Variants in HTR2C observed in about 807,000 individuals in gnomAD.
HTR2C encodes 5-hydroxytryptamine receptor 2C.
A neutral mutation model predicts 21.0 loss-of-function variants in HTR2C; 5 were observed. The ratio of observed to expected loss-of-function variants is 0.24; its 90% CI spans 0.12 to 0.50. The LOEUF is 0.50. Ranked by LOEUF, HTR2C falls within the 20% of genes least tolerant of loss-of-function variation. HTR2C has a pLI of 0.98. For synonymous variants in HTR2C, 150 were observed against 145.3 expected (o/e 1.03, Z -0.23); for missense variants, 271 against 371.2 (o/e 0.73, Z 2.22).
At chrX:114,808,217 T>C (rs998102298) in intron 4 of HTR2C, among the ~76,000 whole-genome samples, 15 of 111,276 alleles carry the variant, frequency 1.3e-4, no homozygotes, top group African/African-American at 3.3e-4. Context: ...AGCGAGAACA[T>C]GTGAAGTTTG....
intron 4 of HTR2C, among the ~76,000 whole-genome samples, chrX:114,795,203 T>C (rs1433099240): frequency 1.8e-5 from 2 of 111,598 alleles, no homozygotes; most frequent in East Asian, 2.8e-4. Flanking sequence ...TCATATCCTT[T>C]GCCCACTTTT....
intron 4 of HTR2C, among the ~76,000 whole-genome samples, chrX:114,762,194 C>A (rs1321446359): frequency 9.1e-6 from 1 of 109,408 alleles, no homozygotes. Flanking sequence ...ATCCAAACCC[C>A]CTTTTGCTAG....
rs782112296 is a variant in HTR2C, at chrX:114,723,259, G to A, written c.-79-3599G>A. Among the ~76,000 whole-genome samples the A allele has an allele frequency of 6.3e-5, 7 of 110,938 alleles. No individual in the cohort carries two copies. In the South Asian group the frequency reaches 1.2e-3, roughly 18 times the overall value. On this transcript the variant is annotated intron_variant, in intron 2 of 5. Coordinates refer to ENST00000276198, the MANE Select transcript of HTR2C (RefSeq NM_000868.4). ...TTAGTCTTGGGAGAGTGTATGTGTC[G>A]AGGAATTTATCCATTTCTTCTAGAT...
chrX:114,646,135 C>A (rs1337586198), intron 2 of HTR2C, among the ~76,000 whole-genome samples: 1 of 111,736 alleles, frequency 8.9e-6, no homozygotes, highest in African/African-American at 3.2e-5. Flanking sequence ...CAGATAAATA[C>A]TTTAAAGGTT....
chrX:114,594,582 A>G (rs183439525), intron 1 of HTR2C, among the ~76,000 whole-genome samples: 2 of 111,746 alleles, frequency 1.8e-5, no homozygotes, highest in African/African-American at 3.2e-5. Context: ...ACCCATAGTA[A>G]AGAACATTGG....
At chrX:114,658,722 C>A (rs1339712863) in intron 2 of HTR2C, among the ~76,000 whole-genome samples, 2 of 110,785 alleles carry the variant, frequency 1.8e-5, no homozygotes, top group Non-Finnish European at 3.8e-5. Flanking sequence ...GATAACTCTG[C>A]CATACAGAAA....
At chrX:114,800,116 T>C (rs782626241) in intron 4 of HTR2C, among the ~76,000 whole-genome samples, 6 of 110,246 alleles carry the variant, frequency 5.4e-5, no homozygotes, top group Non-Finnish European at 1.1e-4. Flanking sequence ...GGGAATGACA[T>C]AGGAATTAAT....
intron 2 of HTR2C, among the ~76,000 whole-genome samples, chrX:114,709,747 A>C (rs1932863700): frequency 9.1e-6 from 1 of 109,689 alleles, no homozygotes; most frequent in African/African-American, 3.3e-5. Flanking sequence ...TCCTTTTCTT[A>C]TTCCTCTTCT....
chrX:114,907,884 T>G lies in HTR2C; in HGVS notation c.*469T>G, dbSNP rs986623100. ...TATACACTTTACATTCTTGCTCTGC[T>G]CATCTACACATATAAACACAGTAAG... On this transcript the variant is annotated 3_prime_UTR_variant, in exon 6 of 6. Transcript: ENST00000276198. 8.9e-6 allele frequency: 1 copy of G among 112,709 alleles called. No individual in the cohort carries two copies. The highest frequency in any genetic ancestry group is 1.9e-5 in the Non-Finnish European group (1 of 53,832). 9.3% of individuals were successfully genotyped at this position (112,709 alleles called of 1,213,427 possible).
Position 114,644,372 on chromosome X carries a change from T to A in HTR2C, c.-80+30491T>A, listed in dbSNP as rs1217316249. On this transcript the variant is annotated intron_variant, in intron 2 of 5. Coordinates refer to ENST00000276198, the MANE Select transcript of HTR2C (RefSeq NM_000868.4). The stretch of plus-strand genomic sequence containing the variant: ...ATAAATAAATAAATAAATATATATA[T>A]ATATATATATATATATATATATATA... Among the ~76,000 whole-genome samples the A allele has an allele frequency of 8.3e-3, 408 of 48,982 alleles. 3 individuals carry two copies. Among genetic ancestry groups the A allele is most frequent in the South Asian group, 0.015 (14 of 943 alleles). 42.5% of individuals were successfully genotyped at this position (48,982 alleles called of 115,157 possible). A position where few individuals can be genotyped will look rare whatever the true frequency, so the allele number is the denominator to read the frequency against.
chrX:114,628,675 G>A (rs1556403489), intron 2 of HTR2C, among the ~76,000 whole-genome samples: 1 of 111,226 alleles, frequency 9.0e-6, no homozygotes, highest in African/African-American at 3.3e-5. Context: ...TGGCAAGTAC[G>A]TAATTTTATT....
intron 4 of HTR2C, among the ~76,000 whole-genome samples, chrX:114,807,776 G>A (rs782743194): frequency 4.6e-5 from 5 of 108,711 alleles, no homozygotes; most frequent in African/African-American, 6.7e-5. Context: ...GAGTTCATGC[G>A]ATTCTCCTGC....
chrX:114,641,554 G>A (rs1556406479), intron 2 of HTR2C, among the ~76,000 whole-genome samples: 1 of 111,316 alleles, frequency 9.0e-6, no homozygotes, highest in East Asian at 2.8e-4. Flanking sequence ...GACTTGGCTA[G>A]GTTCAAGTGG....
intron 5 of HTR2C, among the ~76,000 whole-genome samples, chrX:114,880,382 C>T (rs1443668209): frequency 2.7e-5 from 3 of 110,155 alleles, no homozygotes; most frequent in South Asian, 3.7e-4. Context: ...GTATTGAATT[C>T]GCTTTTTCCT....
intron 5 of HTR2C, among the ~76,000 whole-genome samples, chrX:114,865,442 T>G (rs1316317916): frequency 8.9e-6 from 1 of 111,921 alleles, no homozygotes; most frequent in Non-Finnish European, 1.9e-5. Context: ...CATTTAGCTT[T>G]TTAAGAAACT....
chrX:114,676,827 G>T (rs782028269), intron 2 of HTR2C, among the ~76,000 whole-genome samples: 11 of 112,006 alleles, frequency 9.8e-5, no homozygotes, highest in Non-Finnish European at 2.1e-4. Flanking sequence ...GGAATTATTT[G>T]CATTGAGCCA....
chrX:114,762,255 C>G (rs1366432772), intron 4 of HTR2C, among the ~76,000 whole-genome samples: 2 of 110,030 alleles, frequency 1.8e-5, no homozygotes, highest in Admixed American at 2.0e-4. Flanking sequence ...TAGACCAGAA[C>G]TATATTTGGG....
intron 4 of HTR2C, among the ~76,000 whole-genome samples, chrX:114,783,283 C>T (rs1403908834): frequency 9.0e-6 from 1 of 111,493 alleles, no homozygotes; most frequent in African/African-American, 3.3e-5. Context: ...ATTAAAAAGA[C>T]AGCAAAATAC....
At chrX:114,656,642 A>AT (rs782589470) in intron 2 of HTR2C, among the ~76,000 whole-genome samples, 111 of 109,905 alleles carry the variant, frequency 1.0e-3, no homozygotes, top group Non-Finnish European at 1.8e-3. Flanking sequence ...GTCTCAGGTA[A>AT]TTTTTTTTTC....
Sources: gnomAD v4.1 joint callset for allele counts (sites outside exome capture counted in the v4.1 genomes callset) on GRCh38, gnomAD v4.1.1 for gene constraint, MANE v1.5 for transcripts, NCBI Gene and HGNC (gene_info 2026-07-23, HGNC 2026-07-21) for gene names.